MMP19: variants seen among roughly 807,000 people sequenced by gnomAD.
MMP19 encodes the protein matrix metallopeptidase 19.
A neutral mutation model predicts 46.6 loss-of-function variants in MMP19; 47 were observed. That is an observed-to-expected ratio of 1.01 (90% CI 0.80 to 1.29). The LOEUF is 1.29. Among genes scored for constraint, MMP19 ranks in the 50% most tolerant of loss-of-function variants. MMP19 has a pLI of 0.00. For missense variants in MMP19, 589 were observed against 643.5 expected, an observed-to-expected ratio of 0.92 and a Z score of 0.92; for synonymous variants, 222 against 248.5, an observed-to-expected ratio of 0.89 and a Z score of 1.00.
At chr12:55,839,913 CT>C in intron 4 of MMP19, 172 bp from the exon 5 acceptor site, 1 of 896,714 alleles carries the variant, frequency 1.1e-6, no homozygotes, top group African/African-American at 1.7e-5. Flanking sequence ...TCACCCAGTT[CT>C]CTCAGGAATG....
chr12:55,839,550 G>T lies in MMP19; in HGVS notation c.712C>A (p.Arg238=), dbSNP rs754912368. The T allele has an allele frequency of 1.2e-6, 2 of 1,613,980 alleles. No individual in the cohort carries two copies. The highest frequency in any genetic ancestry group is 1.7e-6 in the Non-Finnish European group (2 of 1,179,838). ...TCTGGGTGCAGCTTAAAGTGGGGCC[G>T]GTAGCCCTCGTAGACTGGGGCCATG... ...ALMAPVYEGY[R]PHFKLHPDDV... is the part of the protein sequence containing the mutation. Residue 238 remains arginine, a synonymous_variant, in exon 5 of 9, where the codon CGG becomes AGG. Coordinates refer to ENST00000322569, the MANE Select transcript of MMP19 (RefSeq NM_002429.6).
chr12:55,841,447 A>G (rs1881688571), intron 2 of MMP19: 1 of 513,260 alleles, frequency 1.9e-6, no homozygotes. Flanking sequence ...TCATCTCCCC[A>G]TTTTCAGTGT....
intron 2 of MMP19, 63 bp from the exon 3 acceptor site, chr12:55,841,299 T>A: frequency 6.4e-7 from 1 of 1,573,416 alleles, no homozygotes. Context: ...GGGAGATGAT[T>A]GCTCTTTGAC....
In MMP19 at chr12:55,838,002, G is replaced by T; in HGVS notation, c.901C>A (p.Arg301Ser). Residue 301 changes from arginine to serine, a missense_variant, in exon 7 of 9, where the codon CGT (arginine) becomes AGT (serine). By Grantham distance (110) the Arg-to-Ser change is moderately radical. Coordinates refer to ENST00000322569, the MANE Select transcript of MMP19 (RefSeq NM_002429.6). ...SELDAMMLGP[R>S]GKTYAFKGDY... ...CCCTTGAAAGCATAGGTCTTCCCAC[G>T]GGGCCCTGAGCGTAATGGTGTGTCA... is the stretch of plus-strand genomic sequence containing the variant. The T allele has an allele frequency of 6.3e-7, 1 of 1,581,090 alleles. No homozygotes were observed. Among genetic ancestry groups the T allele is most frequent in the South Asian group, 1.1e-5 (1 of 88,620 alleles).
rs371888536 is a variant in MMP19, at chr12:55,838,020, G to A, written c.896-13C>T. 2.1e-5 allele frequency: 32 copies of A among 1,553,710 alleles called. No individual in the cohort carries two copies. Among genetic ancestry groups the A allele is most frequent in the Non-Finnish European group, 2.7e-5 (31 of 1,146,300 alleles). ...TTCCCACGGGGCCCTGAGCGTAATG[G>A]TGTGTCAACAAGTCAAAAAGACAGA... is the stretch of plus-strand genomic sequence containing the variant. On this transcript the variant is annotated splice_polypyrimidine_tract_variant and intron_variant, in intron 6 of 8. Transcript: ENST00000322569.
intron 5 of MMP19, among the ~76,000 whole-genome samples, 170 bp downstream of exon 5, chr12:55,839,326 A>G (rs894820866): frequency 2.0e-5 from 3 of 152,076 alleles, no homozygotes; most frequent in East Asian, 3.8e-4. Flanking sequence ...AAGATTAGAC[A>G]TAGAAGAGTC....
At chr12:55,840,992 C>A in intron 3 of MMP19, 110 bp from the exon 4 acceptor site, 1 of 1,540,576 alleles carries the variant, frequency 6.5e-7, no homozygotes, top group South Asian at 1.2e-5. Context: ...ACCAGGTAAT[C>A]ACCAGGTGAT....
rs776369294 is a variant in MMP19, at chr12:55,836,993, G to A, written c.*43C>T. 5 of 1,491,550 alleles carry A rather than the reference G, an allele frequency of 3.4e-6. No individual in the cohort carries two copies. Among genetic ancestry groups the A allele is most frequent in the Non-Finnish European group, 4.5e-6 (5 of 1,107,816 alleles). 92.4% of individuals were successfully genotyped at this position (1,491,550 alleles called of 1,614,324 possible). ...GGGAAATGAAAGGGTGGGTGGTGGA[G>A]CCTCAGGGGTTAATGTCCAAGATTG... is the stretch of plus-strand genomic sequence containing the variant. On this transcript the variant is annotated 3_prime_UTR_variant, in exon 9 of 9. Coordinates refer to ENST00000322569, the MANE Select transcript of MMP19 (RefSeq NM_002429.6).
rs769136547 is a variant in MMP19, at chr12:55,842,920, C to T, written c.-90G>A. Reference sequence around the variant, plus strand: ...GGGGGAGCAGTGCTAGGCAGAGGGGCTCTTACCCCCAGTTCTTTTTACTCT... The same window carrying T: ...GGGGGAGCAGTGCTAGGCAGAGGGGTTCTTACCCCCAGTTCTTTTTACTCT... On this transcript the variant is annotated 5_prime_UTR_variant, in exon 1 of 9. Coordinates refer to ENST00000322569, the MANE Select transcript of MMP19 (RefSeq NM_002429.6). The T allele has an allele frequency of 4.2e-6, 4 of 954,546 alleles. No homozygotes were observed. Among genetic ancestry groups the T allele is most frequent in the Middle Eastern group, 4.2e-4 (2 of 4,786 alleles). The allele number at this position is 954,546 out of a possible 1,614,324, so 59.1% of individuals were successfully genotyped here.
chr12:55,840,029 A>C, intron 4 of MMP19: 1 of 370,518 alleles, frequency 2.7e-6, no homozygotes, highest in East Asian at 4.8e-5. Context: ...TTAAGGGAGA[A>C]AAAGAAGCAT....
rs1170078575 is a variant in MMP19, at chr12:55,841,561, T to TCC, written c.174-326_174-325insGG. ...TTCCTTCCTTCCTTCCTTCCTTTCT[T>TCC]TTTCTTCTCTCTTTCTTTCTTCCTT... On this transcript the variant is annotated intron_variant, in intron 2 of 8. Transcript: ENST00000322569. 5.4e-3 allele frequency: 1,299 copies of TCC among 242,060 alleles called. 5 individuals carry two copies. Among genetic ancestry groups the TCC allele is most frequent in the Non-Finnish European group, 8.3e-3 (1,017 of 122,224 alleles). 15.0% of individuals were successfully genotyped at this position (242,060 alleles called of 1,614,324 possible).
In MMP19 at chr12:55,839,492, T is replaced by A. The variant is rs749188834; in HGVS notation, c.766+4A>T. On this transcript the variant is annotated splice_donor_region_variant and intron_variant, in intron 5 of 8. Transcript: ENST00000322569. ...CCTCCCCCTCACTAGGGGGAGGGAC[T>A]GACCATAGAGAGCCTGGATCCCTGC... is the stretch of plus-strand genomic sequence containing the variant. The A allele has an allele frequency of 1.1e-5, 18 of 1,602,342 alleles. 1 individual carries two copies. The highest frequency in any genetic ancestry group is 1.5e-5 in the Non-Finnish European group (18 of 1,171,236).
chr12:55,842,727 T>G lies in MMP19; in HGVS notation c.87+17A>C. On this transcript the variant is annotated intron_variant, in intron 1 of 8. Coordinates refer to ENST00000322569, the MANE Select transcript of MMP19 (RefSeq NM_002429.6). ...CTGTCCCTCCGCTGGCCCAGGTCTC[T>G]TTCTTGGGGGACTTACCACAGGCGC... 1 of 1,592,644 alleles carries G rather than the reference T, an allele frequency of 6.3e-7. No individual in the cohort carries two copies. The highest frequency in any genetic ancestry group is 2.3e-5 in the East Asian group (1 of 43,700).
chr12:55,838,364 C>G, intron 6 of MMP19: 2 of 795,248 alleles, frequency 2.5e-6, no homozygotes, highest in South Asian at 1.6e-5. Context: ...TGCTGCATTT[C>G]CAGATGTGTT....
rs769859506 is a variant in MMP19 at position 55,842,432 on chromosome 12, GGTA to G, written c.91_93del (p.Tyr31del). ...TTCTGTAGGTACCCATATTGTGACA[GGTA>G]GTCCTATGATGGGAGTGGAGGTAAG... On this transcript the variant is annotated inframe_deletion, in exon 2 of 9. Transcript: ENST00000322569. The G allele has an allele frequency of 5.2e-5, 84 of 1,611,524 alleles. No homozygotes were observed. The Middle Eastern group carries it at 1.4e-3, about 26-fold the overall frequency.
rs144496096 is a variant in MMP19 at position 55,839,683 on chromosome 12, G to A, written c.579C>T (p.Asp193=). The change falls in exon 5 of 9, where the codon GAC becomes GAT. Residue 193 remains aspartate (D), a synonymous_variant. Transcript: ENST00000322569. The part of the protein sequence containing the change: ...PELGSVHFDE[D]EFWTEGTYRG... ...GGTAGGTCCCCTCAGTCCAGAACTC[G>A]TCTTCGTCGAAGTGCACACTGCCCA... 1.5e-4 allele frequency: 247 copies of A among 1,614,078 alleles called. No individual in the cohort carries two copies. The Middle Eastern group carries it at 1.6e-3, about 11-fold the overall frequency.
intron 3 of MMP19, 83 bp downstream of exon 3, chr12:55,841,022 TG>T: frequency 1.3e-6 from 2 of 1,571,060 alleles, no homozygotes; most frequent in Non-Finnish European, 1.7e-6. Context: ...AACACTGAGC[TG>T]GTCCAGACTG....
chr12:55,839,968 ACCCAGTCCTCTCTGG>A (rs1349806909), intron 4 of MMP19: 2 of 585,350 alleles, frequency 3.4e-6, no homozygotes, highest in African/African-American at 3.7e-5. Flanking sequence ...CTGCTCTCTG[ACCCAGTCCTCTCTGG>A]CCCATACCTC....
At chr12:55,840,550 G>A (rs1356371979) in intron 4 of MMP19, 117 bp downstream of exon 4, 7 of 1,028,546 alleles carry the variant, frequency 6.8e-6, no homozygotes, top group Admixed American at 2.3e-5. Flanking sequence ...ATTAGAGAGC[G>A]TATGGTGCAG....
Sources: gnomAD v4.1 joint callset for allele counts (sites outside exome capture counted in the v4.1 genomes callset) on GRCh38, gnomAD v4.1.1 for gene constraint, MANE v1.5 for transcripts, NCBI Gene and HGNC (gene_info 2026-07-23, HGNC 2026-07-21) for gene names.